MCC: variants seen among roughly 807,000 people sequenced by gnomAD.
MCC encodes the protein colorectal mutant cancer protein.
A neutral mutation model predicts 116.2 loss-of-function variants in MCC; 90 were observed. The ratio of observed to expected loss-of-function variants is 0.77; its 90% CI spans 0.65 to 0.92. The LOEUF is 0.92. Ranked by LOEUF, MCC falls within the 40% of genes least tolerant of loss-of-function variation. The pLI, the probability that MCC is intolerant of heterozygous loss-of-function variation, is 0.00. For missense variants in MCC, 1,516 were observed against 1,312.2 expected, an observed-to-expected ratio of 1.16 and a Z score of -2.40; for synonymous variants, 578 against 510.5, an observed-to-expected ratio of 1.13 and a Z score of -1.78.
intron 1 of MCC, among the ~76,000 whole-genome samples, chr5:113,431,762 AAG>A (rs1491238384): frequency 5.8e-4 from 7 of 11,982 alleles, no homozygotes; most frequent in East Asian, 4.2e-3. Flanking sequence ...TTGGGAGGCC[AAG>A]GGGGGGGGGG....
chr5:113,297,390 C>T (rs1033402685), intron 3 of MCC, among the ~76,000 whole-genome samples: 3 of 151,842 alleles, frequency 2.0e-5, no homozygotes, highest in Non-Finnish European at 4.4e-5. Context: ...CATGGTGATA[C>T]CCTGTCTCTA....
chr5:113,132,187 T>C (rs1758472959), intron 5 of MCC, among the ~76,000 whole-genome samples: 2 of 151,646 alleles, frequency 1.3e-5, no homozygotes, highest in Admixed American at 1.3e-4. Context: ...TCCTTAAAAT[T>C]TTAAACATTA....
intron 3 of MCC, among the ~76,000 whole-genome samples, chr5:113,337,229 A>C (rs948112053): frequency 6.6e-6 from 1 of 152,140 alleles, no homozygotes; most frequent in Non-Finnish European, 1.5e-5. Context: ...GGGACTTTTC[A>C]GTGGGTTTGC....
At chr5:113,139,695 G>A (rs756636485) in intron 5 of MCC, among the ~76,000 whole-genome samples, 12 of 152,326 alleles carry the variant, frequency 7.9e-5, no homozygotes, top group Middle Eastern at 3.4e-3. Flanking sequence ...AGACAGTGTG[G>A]TGATTCCTCA....
At chr5:113,054,841 G>A (rs1025448029) in intron 14 of MCC, among the ~76,000 whole-genome samples, 5 of 152,192 alleles carry the variant, frequency 3.3e-5, no homozygotes, top group African/African-American at 1.2e-4. Flanking sequence ...ACCATGAAAG[G>A]GGGAGCACCA....
At chr5:113,409,502 C>T (rs935021222) in intron 1 of MCC, among the ~76,000 whole-genome samples, 4 of 152,036 alleles carry the variant, frequency 2.6e-5, no homozygotes, top group African/African-American at 9.7e-5. Flanking sequence ...CACGTGTGCA[C>T]CAACACACCT....
At chr5:113,215,480 G>T (rs1365037672) in intron 3 of MCC, among the ~76,000 whole-genome samples, 1 of 152,138 alleles carries the variant, frequency 6.6e-6, no homozygotes, top group Non-Finnish European at 1.5e-5. Flanking sequence ...TAAGGGTGGG[G>T]GTTGGTCTTT....
chr5:113,221,959 G>A (rs1561467471), intron 3 of MCC, among the ~76,000 whole-genome samples: 1 of 152,190 alleles, frequency 6.6e-6, no homozygotes, highest in African/African-American at 2.4e-5. Flanking sequence ...TAGGCAGCAG[G>A]CAAAGTAAGC....
chr5:113,466,629 T>A lies in MCC; in HGVS notation c.170+21616A>T, dbSNP rs372347622. On this transcript the variant is annotated intron_variant, in intron 1 of 18. Transcript: ENST00000408903. ...TCCAAGTCTTTGCTATTGTGAATAG[T>A]GCTGCTATAAACATACGTGTGCATG... is the stretch of plus-strand genomic sequence containing the variant. Among the ~76,000 whole-genome samples, 1,033 of 152,288 alleles carry A rather than the reference T, an allele frequency of 6.8e-3. 11 individuals carry two copies. Among genetic ancestry groups the A allele is most frequent in the African/African-American group, 0.023 (939 of 41,550 alleles).
intron 3 of MCC, among the ~76,000 whole-genome samples, chr5:113,252,416 A>G (rs1048850396): frequency 1.3e-5 from 2 of 152,170 alleles, no homozygotes; most frequent in East Asian, 1.9e-4. Context: ...CATGAACTCT[A>G]TTGTAAACTG....
chr5:113,440,730 T>C (rs1179301509), intron 1 of MCC, among the ~76,000 whole-genome samples: 1 of 151,914 alleles, frequency 6.6e-6, no homozygotes, highest in Non-Finnish European at 1.5e-5. Flanking sequence ...AAGAAACTAA[T>C]TTTCAGTAGA....
At chr5:113,059,589 T>C (rs932528303) in intron 14 of MCC, among the ~76,000 whole-genome samples, 5 of 152,272 alleles carry the variant, frequency 3.3e-5, no homozygotes, top group African/African-American at 1.2e-4. Context: ...CCTGTCTGTG[T>C]TCTCTGAGAG....
Position 113,023,189 on chromosome 5 carries a change from G to A in MCC, c.*4113C>T, listed in dbSNP as rs1235255861. On this transcript the variant is annotated 3_prime_UTR_variant, in exon 19 of 19. Coordinates refer to ENST00000408903, the MANE Select transcript of MCC (RefSeq NM_001085377.2). ...TGTTAAACAGGAGATGCTTCTGAAG[G>A]CCACAAGTTTGGAGCTTACTTTAAC... 6.6e-6 allele frequency: 1 copy of A among 152,174 alleles called. No homozygotes were observed. The highest frequency in any genetic ancestry group is 1.5e-5 in the Non-Finnish European group (1 of 68,028). The allele number at this position is 152,174 out of a possible 1,614,324, so 9.4% of individuals were successfully genotyped here. A position where few individuals can be genotyped will look rare whatever the true frequency, so the allele number is the denominator to read the frequency against.
intron 8 of MCC, among the ~76,000 whole-genome samples, chr5:113,094,514 G>A (rs867223341): frequency 4.7e-5 from 7 of 150,432 alleles, no homozygotes; most frequent in Non-Finnish European, 7.4e-5. Flanking sequence ...TCTGCCTCCC[G>A]GGTTCAAGCG....
intron 3 of MCC, among the ~76,000 whole-genome samples, chr5:113,193,362 G>C (rs145267467): frequency 6.6e-6 from 1 of 151,944 alleles, no homozygotes; most frequent in Non-Finnish European, 1.5e-5. Context: ...CTCTTGGGGT[G>C]GGGGTGGGCA....
Position 113,114,708 on chromosome 5 carries a change from G to A in MCC, c.1027+7976C>T, listed in dbSNP as rs538247489. On this transcript the variant is annotated intron_variant, in intron 6 of 18. Coordinates refer to ENST00000408903, the MANE Select transcript of MCC (RefSeq NM_001085377.2). The stretch of plus-strand genomic sequence containing the variant: ...CAGAGAGCAGCAGCTTGACTTCAGA[G>A]CGATGGCTTGACACCGTTGCTTCGG... Among the ~76,000 whole-genome samples the A allele has an allele frequency of 5.3e-5, 8 of 152,296 alleles. No individual in the cohort carries two copies. In the East Asian group the frequency reaches 7.7e-4, roughly 15 times the overall value.
At chr5:113,079,768 A>T (rs1382295042) in intron 11 of MCC, among the ~76,000 whole-genome samples, 1 of 152,238 alleles carries the variant, frequency 6.6e-6, no homozygotes, top group Non-Finnish European at 1.5e-5. Flanking sequence ...CATGACTAAA[A>T]CACCAAAAGC....
Position 113,488,289 on chromosome 5 carries a change from G to A in MCC, c.126C>T (p.Arg42=), listed in dbSNP as rs1772605081. Residue 42 remains arginine, a synonymous_variant, in exon 1 of 19, where the codon CGC becomes CGT. Coordinates refer to ENST00000408903, the MANE Select transcript of MCC (RefSeq NM_001085377.2). ...SSTGEEERMR[R]LFQTCDGDGD... is the part of the protein sequence containing the mutation. ...CGTCGCCGTCGCACGTCTGGAAGAG[G>A]CGCCGCATCCTCTCCTCCTCGCCGG... 12 of 1,595,202 alleles carry A rather than the reference G, an allele frequency of 7.5e-6. No individual in the cohort carries two copies. Among genetic ancestry groups the A allele is most frequent in the Non-Finnish European group, 1.0e-5 (12 of 1,171,908 alleles).
At chr5:113,045,151 C>T (rs1229793329) in intron 16 of MCC, among the ~76,000 whole-genome samples, 3 of 152,268 alleles carry the variant, frequency 2.0e-5, no homozygotes, top group Non-Finnish European at 2.9e-5. Flanking sequence ...GTTAACATTT[C>T]GTGAGACTCC....
Sources: allele counts gnomAD v4.1 joint callset (sites outside exome capture counted in the v4.1 genomes callset), GRCh38; gene constraint gnomAD v4.1.1; transcripts MANE v1.5; gene names NCBI Gene and HGNC (gene_info 2026-07-23, HGNC 2026-07-21).